The following FLG variants were observed in gnomAD, a reference collection of about 807,000 sequenced individuals.
The protein encoded by FLG is filaggrin.
Under a neutral mutation model 3.8 loss-of-function variants are expected in FLG, and 6 were observed. That is an observed-to-expected ratio of 1.60 (90% CI 0.87 to 3.15). FLG has a LOEUF of 3.15. Among genes scored for constraint, FLG ranks in the 30% most tolerant of loss-of-function variants. FLG has a pLI of 0.00. For synonymous variants in FLG, 2,551 were observed against 1,931.6 expected, an observed-to-expected ratio of 1.32 and a Z score of -8.41; for missense variants, 7,595 against 5,050.9, an observed-to-expected ratio of 1.50 and a Z score of -15.27.
Position 152,311,010 on chromosome 1 carries a change from T to C in FLG, c.3876A>G (p.Arg1292=). The stretch of plus-strand genomic sequence containing the variant: ...GCTCCCGAGAAGATCCATGATGGTT[T>C]CTGGAAGCAGACCCAGACAACCTCT... ...DSERLSGSAS[R]NHHGSSREQS... is the part of the protein sequence containing the mutation. The change falls in exon 3 of 3, where the codon AGA becomes AGG. Residue 1292 remains arginine, a synonymous_variant. Coordinates refer to ENST00000368799, the MANE Select transcript of FLG (RefSeq NM_002016.2). The C allele has an allele frequency of 6.2e-7, 1 of 1,613,906 alleles. No individual in the cohort carries two copies. The highest frequency in any genetic ancestry group is 8.5e-7 in the Non-Finnish European group (1 of 1,179,958).
In FLG at chr1:152,305,577, G is replaced by A; in HGVS notation, c.9309C>T (p.Ser3103=). Reference sequence around the variant, plus strand: ...CACGAATGGTGTCCTGACCGTATTGGGATGCTGAGTGCCTGGAGCTGTCTT... The same window carrying A: ...CACGAATGGTGTCCTGACCGTATTGAGATGCTGAGTGCCTGGAGCTGTCTT... The part of the protein sequence containing the change: ...QAQDSSRHSA[S]QYGQDTIRGH... The change falls in exon 3 of 3, where the codon TCC becomes TCT. Residue 3103 remains serine (S), a synonymous_variant. Coordinates refer to ENST00000368799, the MANE Select transcript of FLG (RefSeq NM_002016.2). 5 of 1,502,212 alleles carry A rather than the reference G, an allele frequency of 3.3e-6. 1 individual carries two copies. The highest frequency in any genetic ancestry group is 4.4e-6 in the Non-Finnish European group (5 of 1,130,512). 93.1% of individuals were successfully genotyped at this position (1,502,212 alleles called of 1,614,324 possible). A position where few individuals can be genotyped will look rare whatever the true frequency, so the allele number is the denominator to read the frequency against.
rs7512779 is a variant in FLG at position 152,312,705 on chromosome 1, G to C, written c.2181C>G (p.His727Gln). Residue 727 changes from histidine to glutamine, a missense_variant, in exon 3 of 3, where the codon CAC becomes CAG. Physicochemically the swap from His to Gln is conservative, Grantham distance 24 (BLOSUM62 0). Transcript: ENST00000368799. ...ADSSRHSGTG[H>Q]GQASSAVRDS... ...CTCTGACTGCAGATGAAGCTTGTCC[G>C]TGCCCAGTGCCTGAGTGTCTGGAGC... is the stretch of plus-strand genomic sequence containing the variant. 2.0e-5 allele frequency: 33 copies of C among 1,613,840 alleles called. No individual in the cohort carries two copies. Among genetic ancestry groups the C allele is most frequent in the Non-Finnish European group, 2.5e-5 (29 of 1,180,018 alleles).
At position 152,315,312 on chromosome 1, in the gene FLG, C is replaced by G. The variant is rs572201250; in HGVS notation, c.138+7G>C. ...GCTCTATCTTTGGTCTTGTCAGAGA[C>G]TCTTACCTTCAGGATTTGCCGAAAT... On this transcript the variant is annotated splice_region_variant and intron_variant, in intron 2 of 2. Transcript: ENST00000368799. The G allele has an allele frequency of 2.5e-6, 4 of 1,612,998 alleles. No homozygotes were observed. In the Admixed American group the frequency reaches 5.0e-5, roughly 20 times the overall value.
In FLG at chr1:152,309,967, C is replaced by G. The variant is rs373818541; in HGVS notation, c.4919G>C (p.Arg1640Thr). ...SRNPRSHQED[R>T]ASHGHSAESS... ...CTCTGCAGAGTGCCCATGACTGGCT[C>G]TATCTTCTTGATGGGACCTGGGGTT... is the stretch of plus-strand genomic sequence containing the variant. Residue 1640 changes from arginine (R) to threonine (T), a missense_variant, in exon 3 of 3, where the codon AGA (arginine) becomes ACA (threonine). Arg to Thr is a moderately conservative substitution (Grantham distance 71). Transcript: ENST00000368799. 15 of 1,613,944 alleles carry G rather than the reference C, an allele frequency of 9.3e-6. No individual in the cohort carries two copies. The highest frequency in any genetic ancestry group is 8.5e-7 in the Non-Finnish European group (1 of 1,180,024).
chr1:152,311,011 C>G lies in FLG; in HGVS notation c.3875G>C (p.Arg1292Thr), dbSNP rs756081731. 1 of 1,613,940 alleles carries G rather than the reference C, an allele frequency of 6.2e-7. No individual in the cohort carries two copies. The highest frequency in any genetic ancestry group is 8.5e-7 in the Non-Finnish European group (1 of 1,179,974). ...CTCCCGAGAAGATCCATGATGGTTT[C>G]TGGAAGCAGACCCAGACAACCTCTC... ...DSERLSGSAS[R>T]NHHGSSREQS... is the part of the protein sequence containing the mutation. Residue 1292 changes from arginine to threonine, a missense_variant, in exon 3 of 3, where the codon AGA becomes ACA. Arg to Thr is a moderately conservative substitution (Grantham distance 71). Transcript: ENST00000368799.
rs1652046232 is a variant in FLG at position 152,307,369 on chromosome 1, C to T, written c.7517G>A (p.Gly2506Glu). 6.2e-7 allele frequency: 1 copy of T among 1,612,938 alleles called. No individual in the cohort carries two copies. The highest frequency in any genetic ancestry group is 8.5e-7 in the Non-Finnish European group (1 of 1,179,672). ...GCTTGCACTTCTGGATCCTGAGTGC[C>T]CATGGGAGGCATCAGACCTTCCCTG... Reference protein sequence around the residue: ...TSQGRSDASHGHSGSRSASRQ... With the variant: ...TSQGRSDASHEHSGSRSASRQ... The change falls in exon 3 of 3, where the codon GGG becomes GAG. Residue 2506 changes from glycine (G) to glutamate (E), a missense_variant. Gly to Glu is a moderately conservative substitution (Grantham distance 98). Coordinates refer to ENST00000368799, the MANE Select transcript of FLG (RefSeq NM_002016.2).
chr1:152,309,505 T>C lies in FLG; in HGVS notation c.5381A>G (p.His1794Arg), dbSNP rs1652239345. Reference sequence around the variant, plus strand: ...CCTGGAGCTGTCTCGTGCCTGCTCGTGGCGGGATCTTTGTCTTCCTCCAGT... The same window carrying C: ...CCTGGAGCTGTCTCGTGCCTGCTCGCGGCGGGATCTTTGTCTTCCTCCAGT... Reference protein sequence around the residue: ...PSTGGRQRSRHEQARDSSRHS... With the variant: ...PSTGGRQRSRREQARDSSRHS... Residue 1794 changes from histidine (H) to arginine (R), a missense_variant, in exon 3 of 3, where the codon CAC becomes CGC. By Grantham distance (29) the His-to-Arg change is conservative. Transcript: ENST00000368799. The C allele has an allele frequency of 1.2e-6, 2 of 1,613,796 alleles. No individual in the cohort carries two copies. The highest frequency in any genetic ancestry group is 2.7e-5 in the African/African-American group (2 of 74,862).
Position 152,309,642 on chromosome 1 carries a change from T to C in FLG, c.5244A>G (p.Gln1748=). The change falls in exon 3 of 3, where the codon CAA becomes CAG. Residue 1748 remains glutamine, a synonymous_variant. Transcript: ENST00000368799. ...GQAGPHQQSH[Q]ESTRGQSGER... The stretch of plus-strand genomic sequence containing the variant: ...CCCCTGACTGGCCACGTGTGGACTC[T>C]TGGTGGCTCTGCTGATGGGGCCCAG... 1.2e-6 allele frequency: 2 copies of C among 1,613,788 alleles called. No homozygotes were observed. The highest frequency in any genetic ancestry group is 1.3e-5 in the African/African-American group (1 of 74,948).
Position 152,313,587 on chromosome 1 carries a change from G to T in FLG, c.1299C>A (p.Asp433Glu), listed in dbSNP as rs759739224. 3.7e-6 allele frequency: 6 copies of T among 1,613,812 alleles called. No homozygotes were observed. Among genetic ancestry groups the T allele is most frequent in the African/African-American group, 1.3e-5 (1 of 74,820 alleles). Reference protein sequence around the residue: ...SDSEGHSENSDTQSVSGHGKA... With the variant: ...SDSEGHSENSETQSVSGHGKA... ...TTCCGTGGCCTGACACTGATTGTGT[G>T]TCTGAGTTTTCTGAATGTCCCTCAC... The change falls in exon 3 of 3, where the codon GAC becomes GAA. Residue 433 changes from aspartate (D) to glutamate (E), a missense_variant. Coordinates refer to ENST00000368799, the MANE Select transcript of FLG (RefSeq NM_002016.2).
At position 152,309,724 on chromosome 1, in the gene FLG, T is replaced by C. The variant is rs1302732167; in HGVS notation, c.5162A>G (p.Asp1721Gly). 6.2e-7 allele frequency: 1 copy of C among 1,614,084 alleles called. No individual in the cohort carries two copies. The highest frequency in any genetic ancestry group is 2.2e-5 in the East Asian group (1 of 44,830). ...TGACTCTTCTGAGTGTCCCTCGCTG[T>C]CACTGGCCTGGCTACCACTGGACCC... is the stretch of plus-strand genomic sequence containing the variant. ...NRGSSGSQAS[D>G]SEGHSEESDT... Residue 1721 changes from aspartate (D) to glycine (G), a missense_variant, in exon 3 of 3, where the codon GAC becomes GGC. Coordinates refer to ENST00000368799, the MANE Select transcript of FLG (RefSeq NM_002016.2).
At position 152,303,352 on chromosome 1, in the gene FLG, G is replaced by T. The variant is rs1269968737; in HGVS notation, c.11534C>A (p.Ser3845Tyr). Residue 3845 changes from serine (S) to tyrosine (Y), a missense_variant, in exon 3 of 3, where the codon TCC (serine) becomes TAC (tyrosine). By Grantham distance (144) the Ser-to-Tyr change is moderately radical. Coordinates refer to ENST00000368799, the MANE Select transcript of FLG (RefSeq NM_002016.2). The part of the protein sequence containing the change: ...TQADSSRHSQ[S>Y]GQGESAGSRR... ...GGACCCCGCTGATTCACCCTGGCCG[G>T]ACTGTGAGTGTCTAGAGCTGTCAGC... 6.2e-7 allele frequency: 1 copy of T among 1,614,006 alleles called. No homozygotes were observed.
Position 152,308,828 on chromosome 1 carries a change from A to C in FLG, c.6058T>G (p.Ser2020Ala), listed in dbSNP as rs7512857. Reference protein sequence around the residue: ...QLQSADSSRHSGIGHGQASSA... With the variant: ...QLQSADSSRHAGIGHGQASSA... ...GAAGCTTGTCCATGCCCAATGCCTG[A>C]GTGTCTGGAGCTGTCTGCTGACTGG... The change falls in exon 3 of 3, where the codon TCA (serine) becomes GCA (alanine). Residue 2020 changes from serine (S) to alanine (A), a missense_variant. Coordinates refer to ENST00000368799, the MANE Select transcript of FLG (RefSeq NM_002016.2). The C allele has an allele frequency of 0.17, 264,342 of 1,601,676 alleles. 4 individuals are homozygous for C. Among genetic ancestry groups the C allele is most frequent in the East Asian group, 0.41 (18,256 of 44,572 alleles).
rs117562935 is a variant in FLG, at chr1:152,313,593, G to T, written c.1293C>A (p.Asn431Lys). The T allele has an allele frequency of 1.8e-4, 293 of 1,613,956 alleles. 1 individual carries two copies. In the Admixed American group the frequency reaches 3.8e-3, roughly 21 times the overall value. Residue 431 changes from asparagine (N) to lysine (K), a missense_variant, in exon 3 of 3, where the codon AAC (asparagine) becomes AAA (lysine). Physicochemically the swap from Asn to Lys is moderately conservative, Grantham distance 94 (BLOSUM62 0). Transcript: ENST00000368799. ...QASDSEGHSE[N>K]SDTQSVSGHG... is the part of the protein sequence containing the mutation. Reference sequence around the variant, plus strand: ...GGCCTGACACTGATTGTGTGTCTGAGTTTTCTGAATGTCCCTCACTGTCAC... The same window carrying T: ...GGCCTGACACTGATTGTGTGTCTGATTTTTCTGAATGTCCCTCACTGTCAC...
rs1161861110 is a variant in FLG at position 152,308,440 on chromosome 1, C to A, written c.6446G>T (p.Arg2149Ile). 6.2e-7 allele frequency: 1 copy of A among 1,613,862 alleles called. No homozygotes were observed. The highest frequency in any genetic ancestry group is 8.5e-7 in the Non-Finnish European group (1 of 1,179,884). The change falls in exon 3 of 3, where the codon AGA becomes ATA. Residue 2149 changes from arginine (R) to isoleucine (I), a missense_variant. Physicochemically the swap from Arg to Ile is moderately conservative, Grantham distance 97. Transcript: ENST00000368799. ...CGATTGCTCTTGGTGGGACCCCTGT[C>A]TTCCTCCTCTGCTTGGCCCCGGGTG... The part of the protein sequence containing the change: ...RGHPGPSRGG[R>I]QGSHQEQSVD...
chr1:152,324,895 G>C (rs2855077), intron 1 of FLG, among the ~76,000 whole-genome samples: 1 of 151,878 alleles, frequency 6.6e-6, no homozygotes, highest in Admixed American at 6.6e-5. Context: ...AGTTTATATA[G>C]TTCACTGCTG....
In FLG at chr1:152,313,679, C is replaced by T. The variant is rs779968870; in HGVS notation, c.1207G>A (p.Gly403Arg). Residue 403 changes from glycine (G) to arginine (R), a missense_variant, in exon 3 of 3, where the codon GGG becomes AGG. By Grantham distance (125) the Gly-to-Arg change is moderately radical. Transcript: ENST00000368799. ...TCGCTGACTGCAGATGAAGCTTGCC[C>T]GCGCCCAGTGGCTGAGTGTCTGGAG... ...DSSRHSATGR[G>R]QASSAVSDRG... 116 of 1,613,928 alleles carry T rather than the reference C, an allele frequency of 7.2e-5. 1 individual carries two copies. Among genetic ancestry groups the T allele is most frequent in the Middle Eastern group, 4.9e-4 (3 of 6,082 alleles).
At chr1:152,321,113 CACAT>C (rs1652954695) in intron 1 of FLG, among the ~76,000 whole-genome samples, 2 of 150,432 alleles carry the variant, frequency 1.3e-5, no homozygotes, top group African/African-American at 4.9e-5. Flanking sequence ...TGTATATAAA[CACAT>C]ACATATATAT....
rs748700632 is a variant in FLG, at chr1:152,309,909, C to G, written c.4977G>C (p.Glu1659Asp). The G allele has an allele frequency of 3.1e-6, 5 of 1,613,974 alleles. No individual in the cohort carries two copies. In the South Asian group the frequency reaches 4.4e-5, roughly 14 times the overall value. The part of the protein sequence containing the change: ...SSRQSGTRHA[E>D]TSSGGQAASS... ...ATGCAGCCTGTCCACCAGAGGAAGT[C>G]TCTGCATGACGAGTGCCTGATTGTC... Residue 1659 changes from glutamate to aspartate, a missense_variant, in exon 3 of 3, where the codon GAG becomes GAC. Glu to Asp is a conservative substitution (Grantham distance 45). Transcript: ENST00000368799.
In FLG at chr1:152,315,435, T is replaced by TAAAA. The variant is rs1395978363; in HGVS notation, c.21_22insTTTT (p.Ile8PhefsTer7). ...TTGAAAAGATTAATTATGGCAAAGA[T>TAAAA]GTTTTCCAGGAGAGTAGACATCTTT... On this transcript the variant is annotated frameshift_variant, in exon 2 of 3. Transcript: ENST00000368799. LOFTEE classifies it high-confidence loss of function. 1 of 1,612,216 alleles carries TAAAA rather than the reference T, an allele frequency of 6.2e-7. No homozygotes were observed. The highest frequency in any genetic ancestry group is 8.5e-7 in the Non-Finnish European group (1 of 1,179,214).
Sources: gnomAD v4.1 joint callset for allele counts (sites outside exome capture counted in the v4.1 genomes callset) on GRCh38, gnomAD v4.1.1 for gene constraint, MANE v1.5 for transcripts, NCBI Gene and HGNC (gene_info 2026-07-23, HGNC 2026-07-21) for gene names.